BLOC1S3: variants seen among roughly 807,000 people sequenced by gnomAD.
BLOC1S3 encodes the protein biogenesis of lysosome-related organelles complex 1 subunit 3.
Under a neutral mutation model 9.1 loss-of-function variants are expected in BLOC1S3, and 7 were observed. The ratio of observed to expected loss-of-function variants is 0.77; its 90% CI spans 0.44 to 1.45. The LOEUF is 1.45. BLOC1S3 is among the 40% of genes most tolerant of loss of function. The probability of loss-of-function intolerance (pLI) is 0.01; values close to 1 mark genes in which losing one functional copy is unlikely to be tolerated. For missense variants in BLOC1S3, 307 were observed against 315.2 expected (o/e 0.97, Z 0.20); for synonymous variants, 145 against 158.4 (o/e 0.92, Z 0.64).
intron 3 of BLOC1S3, among the ~76,000 whole-genome samples, chr19:45,215,877 G>GGCGGCGGAGGCA (rs1969827813): frequency 1.3e-5 from 2 of 152,214 alleles, no homozygotes; most frequent in South Asian, 4.1e-4. Flanking sequence ...TGGTGGCGGT[G>GGCGGCGGAGGCA]GCGGCGGAGG....
At chr19:45,187,413 G>A (rs1969573413) in exon 1 of BLOC1S3, 1 of 152,384 alleles carries the variant, frequency 6.6e-6, no homozygotes, top group Admixed American at 6.5e-5. Flanking sequence ...TTAAGGCAGA[G>A]CTGCAGGGCC....
At chr19:45,192,299 G>T (rs1191042936) in intron 2 of BLOC1S3, among the ~76,000 whole-genome samples, 2 of 152,168 alleles carry the variant, frequency 1.3e-5, no homozygotes, top group East Asian at 3.9e-4. Context: ...CCAGGCCTGG[G>T]TCTCTCCCTT....
chr19:45,201,217 A>AG (rs919633371), intron 2 of BLOC1S3, among the ~76,000 whole-genome samples: 5 of 151,884 alleles, frequency 3.3e-5, no homozygotes, highest in Middle Eastern at 3.4e-3. Flanking sequence ...AAAAAAAAAA[A>AG]AGGAATCTTA....
chr19:45,189,304 G>T (rs1232676609), intron 2 of BLOC1S3, among the ~76,000 whole-genome samples: 1 of 152,202 alleles, frequency 6.6e-6, no homozygotes, highest in Non-Finnish European at 1.5e-5. Context: ...ACAAGTATGT[G>T]CCACTGCACC....
intron 3 of BLOC1S3, among the ~76,000 whole-genome samples, chr19:45,209,574 A>G (rs1223742761): frequency 1.3e-5 from 2 of 151,972 alleles, no homozygotes; most frequent in Non-Finnish European, 2.9e-5. Flanking sequence ...GGCGCCTGCC[A>G]CTACGCCCAG....
At chr19:45,185,403 C>T (rs769245912), downstream of BLOC1S3, among the ~76,000 whole-genome samples, 14 of 152,160 alleles carry the variant, frequency 9.2e-5, no homozygotes, top group South Asian at 4.1e-4. Context: ...GCTGTTGAGA[C>T]GTTCGGGCAC....
At chr19:45,216,045 G>C in intron 3 of BLOC1S3, 1 of 1,611,110 alleles carries the variant, frequency 6.2e-7, no homozygotes, top group Non-Finnish European at 8.5e-7. Context: ...CAGGCACGGC[G>C]AGCCCTGGCC....
upstream of BLOC1S3, among the ~76,000 whole-genome samples, chr19:45,187,030 G>A (rs1969570658): frequency 6.6e-6 from 1 of 152,204 alleles, no homozygotes; most frequent in Non-Finnish European, 1.5e-5. Flanking sequence ...CAGCTCCACT[G>A]GAGAGGTCTG....
intron 2 of BLOC1S3, among the ~76,000 whole-genome samples, chr19:45,201,276 A>C (rs1295251869): frequency 6.6e-6 from 1 of 151,944 alleles, no homozygotes; most frequent in African/African-American, 2.4e-5. Context: ...AATTCCCTAA[A>C]TTACCAGGCA....
downstream of BLOC1S3, among the ~76,000 whole-genome samples, chr19:45,186,066 T>C (rs755030946): frequency 4.6e-5 from 7 of 151,884 alleles, no homozygotes; most frequent in Non-Finnish European, 1.0e-4. Context: ...TGAGCCAAGA[T>C]TGCGCCACTG....
chr19:45,184,886 C>T (rs1160474067), downstream of BLOC1S3, among the ~76,000 whole-genome samples: 5 of 103,684 alleles, frequency 4.8e-5, no homozygotes, highest in South Asian at 3.2e-4. Flanking sequence ...GGTGAAAGAG[C>T]GAGACTCTGT....
rs57770472 is a variant in BLOC1S3 at position 45,214,456 on chromosome 19, G to GTGTTTGTT, written n.283-2202_283-2195dup. Among the ~76,000 whole-genome samples the GTGTTTGTT allele has an allele frequency of 4.7e-3, 710 of 151,440 alleles. 7 individuals carry two copies. Among genetic ancestry groups the GTGTTTGTT allele is most frequent in the African/African-American group, 0.015 (632 of 41,122 alleles). ...TGATCTGGTACACTAGTTTTTTTGT[G>GTGTTTGTT]TGTTTGTTTGTTTGTTTGTTTGTTT... is the stretch of plus-strand genomic sequence containing the variant. On this transcript the variant is annotated intron_variant and non_coding_transcript_variant, in intron 3 of 3. Coordinates refer to the BLOC1S3 transcript ENST00000591569.
chr19:45,213,142 A>G (rs1424603159), intron 3 of BLOC1S3: 2 of 1,584,522 alleles, frequency 1.3e-6, no homozygotes. Flanking sequence ...GGGCCTGGCC[A>G]GCCGGGAGAG....
chr19:45,211,373 G>T (rs1025060712), intron 3 of BLOC1S3, among the ~76,000 whole-genome samples: 3 of 151,700 alleles, frequency 2.0e-5, no homozygotes, highest in African/African-American at 7.3e-5. Flanking sequence ...GGTGGTGGAG[G>T]GGGGGCACCT....
chr19:45,215,619 G>C (rs1183435659), intron 3 of BLOC1S3, among the ~76,000 whole-genome samples: 1 of 152,186 alleles, frequency 6.6e-6, no homozygotes, highest in Non-Finnish European at 1.5e-5. Context: ...CCTATGACGA[G>C]AATACTACTA....
intron 3 of BLOC1S3, among the ~76,000 whole-genome samples, chr19:45,205,754 C>T (rs1365870408): frequency 6.6e-6 from 1 of 152,102 alleles, no homozygotes; most frequent in African/African-American, 2.4e-5. Context: ...TGATAAACAA[C>T]TAGTATCCAG....
intron 3 of BLOC1S3, among the ~76,000 whole-genome samples, chr19:45,206,473 T>TTTTTTG (rs1969728338): frequency 6.9e-6 from 1 of 144,164 alleles, no homozygotes; most frequent in South Asian, 2.2e-4. Context: ...TTTTTTTTTT[T>TTTTTTG]GAGCAAGGAT....
chr19:45,211,325 C>T (rs8112710), intron 3 of BLOC1S3, among the ~76,000 whole-genome samples: 37,928 of 151,242 alleles, frequency 0.25, 6,082 homozygotes, highest in Middle Eastern at 0.47. Context: ...GGTGAAGCCC[C>T]GTCTCTACTA....
At chr19:45,185,442 G>T (rs892933915), downstream of BLOC1S3, among the ~76,000 whole-genome samples, 2 of 152,122 alleles carry the variant, frequency 1.3e-5, no homozygotes, top group African/African-American at 4.8e-5. Context: ...ATGGGCACTC[G>T]GTCCCACATA....
Sources: gnomAD v4.1 joint callset for allele counts (sites outside exome capture counted in the v4.1 genomes callset) on GRCh38, gnomAD v4.1.1 for gene constraint, MANE v1.5 for transcripts, NCBI Gene and HGNC (gene_info 2026-07-23, HGNC 2026-07-21) for gene names.